Variants in GPATCH2L observed in about 807,000 individuals in gnomAD.
The protein encoded by GPATCH2L is G patch domain-containing protein 2-like.
GPATCH2L carries 31 observed loss-of-function variants against 57.4 expected under a neutral mutation model. That is an observed-to-expected ratio of 0.54 (90% CI 0.41 to 0.73). The LOEUF (loss-of-function observed/expected upper bound fraction) is 0.73, where lower values mean the gene tolerates loss of function less well. Among genes scored for constraint, GPATCH2L ranks in the 30% least tolerant of loss-of-function variants. GPATCH2L has a pLI of 0.00. For missense variants in GPATCH2L, 481 were observed against 599.9 expected (o/e 0.80, Z 2.07); for synonymous variants, 199 against 210.7 (o/e 0.94, Z 0.48).
At chr14:76,218,433 A>G (rs553335019), downstream of GPATCH2L, among the ~76,000 whole-genome samples, 7 of 152,230 alleles carry the variant, frequency 4.6e-5, no homozygotes, top group East Asian at 7.7e-4. Context: ...ATGTTGTAAT[A>G]GCACAAAACA....
chr14:76,164,821 C>T (rs1314724229), intron 2 of GPATCH2L, among the ~76,000 whole-genome samples: 1 of 152,182 alleles, frequency 6.6e-6, no homozygotes, highest in Non-Finnish European at 1.5e-5. Flanking sequence ...AAGAGGGTTC[C>T]ATAGTCTTTT....
At chr14:76,187,024 TG>T (rs1322615888) in intron 8 of GPATCH2L, among the ~76,000 whole-genome samples, 2 of 89,410 alleles carry the variant, frequency 2.2e-5, no homozygotes, top group Non-Finnish European at 5.5e-5. Context: ...AATTGTGAAG[TG>T]TTTTTTTTTT....
At chr14:76,182,577 C>T (rs1417229499) in intron 8 of GPATCH2L, among the ~76,000 whole-genome samples, 3 of 96,640 alleles carry the variant, frequency 3.1e-5, no homozygotes, top group Non-Finnish European at 4.0e-5. Context: ...CAGAGTGAGA[C>T]CCTGTCTCAA....
At chr14:76,190,811 C>T (rs2139776507) in intron 8 of GPATCH2L, among the ~76,000 whole-genome samples, 1 of 152,218 alleles carries the variant, frequency 6.6e-6, no homozygotes, top group Non-Finnish European at 1.5e-5. Flanking sequence ...GCTCCCACTC[C>T]TCCCCAGCCT....
At chr14:76,197,788 T>C (rs934142018) in intron 9 of GPATCH2L, among the ~76,000 whole-genome samples, 1 of 152,186 alleles carries the variant, frequency 6.6e-6, no homozygotes, top group Non-Finnish European at 1.5e-5. Flanking sequence ...TTCACCAGTG[T>C]GATGAACAAG....
intron 8 of GPATCH2L, among the ~76,000 whole-genome samples, chr14:76,192,996 A>T (rs982971049): frequency 6.6e-6 from 1 of 152,078 alleles, no homozygotes; most frequent in Non-Finnish European, 1.5e-5. Context: ...TAATGTAGAG[A>T]CAATTGACCT....
chr14:76,173,892 G>C, intron 5 of GPATCH2L: 1 of 439,052 alleles, frequency 2.3e-6, no homozygotes, highest in Non-Finnish European at 4.0e-6. Context: ...CTACAAGCCT[G>C]AGCTGTGTCT....
intron 2 of GPATCH2L, among the ~76,000 whole-genome samples, chr14:76,160,438 C>T (rs2038528364): frequency 6.6e-6 from 1 of 152,120 alleles, no homozygotes; most frequent in South Asian, 2.1e-4. Context: ...AAAAAAATCG[C>T]CCTAAAACTT....
intron 2 of GPATCH2L, among the ~76,000 whole-genome samples, chr14:76,162,473 G>A (rs1315432731): frequency 6.6e-6 from 1 of 152,182 alleles, no homozygotes; most frequent in Non-Finnish European, 1.5e-5. Context: ...CAGTTATACA[G>A]ACCATCCTGG....
Position 76,214,245 on chromosome 14 carries a change from T to G in GPATCH2L, c.*12394T>G, listed in dbSNP as rs1366971023. 2 of 152,222 alleles carry G rather than the reference T, an allele frequency of 1.3e-5. No individual in the cohort carries two copies. The highest frequency in any genetic ancestry group is 2.9e-5 in the Non-Finnish European group (2 of 68,034). The allele number at this position is 152,222 out of a possible 1,614,324, so 9.4% of individuals were successfully genotyped here. ...AGATGTATTTCCATTTATTCAAGTC[T>G]ATTTTGTGCCTTTTAGCAGTGTTTT... On this transcript the variant is annotated 3_prime_UTR_variant, in exon 10 of 10. Transcript: ENST00000261530.
intron 2 of GPATCH2L, among the ~76,000 whole-genome samples, chr14:76,162,745 G>A (rs777213794): frequency 2.0e-5 from 3 of 152,236 alleles, no homozygotes; most frequent in Non-Finnish European, 2.9e-5. Context: ...GGGTCCCTGA[G>A]AGTATATTTT....
intron 8 of GPATCH2L, among the ~76,000 whole-genome samples, chr14:76,192,792 C>A (rs1243935359): frequency 2.0e-5 from 3 of 152,132 alleles, no homozygotes; most frequent in Non-Finnish European, 2.9e-5. Context: ...TAAAATAATT[C>A]ACTTAACAAG....
At chr14:76,172,104 C>A in intron 4 of GPATCH2L, 85 bp downstream of exon 4, 1 of 802,390 alleles carries the variant, frequency 1.2e-6, no homozygotes, top group Non-Finnish European at 1.9e-6. Flanking sequence ...ATACTCATGC[C>A]TTCAATCACA....
chr14:76,167,350 C>A (rs1174274298), intron 3 of GPATCH2L, among the ~76,000 whole-genome samples: 2 of 152,138 alleles, frequency 1.3e-5, no homozygotes, highest in African/African-American at 4.8e-5. Flanking sequence ...TGTGTGGGGC[C>A]ACATGCCAAT....
intron 3 of GPATCH2L, among the ~76,000 whole-genome samples, chr14:76,167,760 T>C (rs2038911126): frequency 6.6e-6 from 1 of 152,240 alleles, no homozygotes; most frequent in Admixed American, 6.5e-5. Context: ...TGTGTGTGTG[T>C]ACAGGTAGGC....
rs148893825 is a variant in GPATCH2L, at chr14:76,229,186, T to C, written c.66-622T>C. ...CAGGAGCTAGGCTGACTATGAAATA[T>C]GGCAGCTTAGGAGTGGCGTGAGTGA... On this transcript the variant is annotated intron_variant and NMD_transcript_variant, in intron 1 of 3. Transcript: ENST00000556372. 3.7e-3 allele frequency among the ~76,000 whole-genome samples: 560 copies of C among 152,378 alleles called. 4 individuals are homozygous for C. The highest frequency in any genetic ancestry group is 0.013 in the African/African-American group (543 of 41,586).
chr14:76,169,947 T>A (rs2039010999), intron 3 of GPATCH2L, among the ~76,000 whole-genome samples: 3 of 152,166 alleles, frequency 2.0e-5, no homozygotes. Context: ...GAAATACACA[T>A]TTTTGGTCTT....
intron 8 of GPATCH2L, among the ~76,000 whole-genome samples, chr14:76,183,092 C>T (rs562040688): frequency 3.3e-5 from 5 of 152,342 alleles, no homozygotes; most frequent in African/African-American, 7.2e-5. Context: ...GATCAGTATT[C>T]GTACTTTTGT....
chr14:76,158,841 C>CA (rs1225842843), intron 2 of GPATCH2L, among the ~76,000 whole-genome samples: 2 of 152,148 alleles, frequency 1.3e-5, no homozygotes, highest in Non-Finnish European at 2.9e-5. Flanking sequence ...AACTAAAACA[C>CA]ACAGCTTGGG....
Sources: gnomAD v4.1 joint callset for allele counts (sites outside exome capture counted in the v4.1 genomes callset) on GRCh38, gnomAD v4.1.1 for gene constraint, MANE v1.5 for transcripts, NCBI Gene and HGNC (gene_info 2026-07-23, HGNC 2026-07-21) for gene names.